The following CD81 variants were observed in gnomAD, a reference collection of about 807,000 sequenced individuals.
CD81 encodes the protein CD81 molecule.
In CD81, 10 loss-of-function variants were observed where a neutral mutation model predicts 30.1. The ratio of observed to expected loss-of-function variants is 0.33; its 90% CI spans 0.21 to 0.56. The LOEUF (loss-of-function observed/expected upper bound fraction) is 0.56, where lower values mean the gene tolerates loss of function less well. CD81 is among the 20% of genes least tolerant of loss of function. The probability of loss-of-function intolerance (pLI) is 0.89; values close to 1 mark genes in which losing one functional copy is unlikely to be tolerated. For synonymous variants in CD81, 147 were observed against 126.4 expected (o/e 1.16, Z -1.10); for missense variants, 263 against 308.7 (o/e 0.85, Z 1.11).
chr11:2,381,427 G>A (rs1032902971), intron 1 of CD81, among the ~76,000 whole-genome samples: 9 of 152,078 alleles, frequency 5.9e-5, no homozygotes, highest in Non-Finnish European at 1.2e-4. Context: ...CCACCCCAGC[G>A]CCCAGTTCAG....
At chr11:2,390,382 A>C in intron 1 of CD81, 30 bp from the exon 2 acceptor site, 2 of 1,556,934 alleles carry the variant, frequency 1.3e-6, no homozygotes, top group Non-Finnish European at 1.8e-6. Context: ...TGCTCTTCGT[A>C]CATGTGACAC....
intron 1 of CD81, among the ~76,000 whole-genome samples, chr11:2,385,104 C>T (rs961792701): frequency 2.0e-5 from 3 of 152,150 alleles, no homozygotes; most frequent in Admixed American, 6.5e-5. Context: ...AAGAAGTTAG[C>T]GCCAAGATGG....
At chr11:2,394,889 C>A (rs1160153807) in intron 3 of CD81, 83 bp from the exon 4 acceptor site, 4 of 1,292,488 alleles carry the variant, frequency 3.1e-6, no homozygotes, top group Non-Finnish European at 3.4e-6. Flanking sequence ...CACAGACACG[C>A]CTGCTGGGCA....
chr11:2,386,482 A>AG (rs908953641), intron 1 of CD81: 12 of 708,666 alleles, frequency 1.7e-5, no homozygotes, highest in South Asian at 3.0e-5. Context: ...AGGTGGCCCT[A>AG]GGGGGGTCCC....
rs1346822289 is a variant in CD81, at chr11:2,394,947, C to T, written c.280-25C>T. ...CCGCCTACAGCCTGCCCTCTTTCCT[C>T]CCTCTGGCCACTGCCCGGCTCCAGT... On this transcript the variant is annotated intron_variant, in intron 3 of 7. Transcript: ENST00000263645. The T allele has an allele frequency of 5.0e-6, 8 of 1,609,056 alleles. No homozygotes were observed. In the African/African-American group the frequency reaches 5.3e-5, roughly 11 times the overall value.
upstream of CD81, among the ~76,000 whole-genome samples, chr11:2,376,606 T>C (rs1248151742): frequency 6.6e-6 from 1 of 152,174 alleles, no homozygotes; most frequent in East Asian, 1.9e-4. Context: ...GTAGACGAAA[T>C]AGATGCAATA....
chr11:2,390,932 G>T, intron 2 of CD81: 1 of 313,036 alleles, frequency 3.2e-6, no homozygotes, highest in South Asian at 2.9e-5. Flanking sequence ...GTGAGGGGTG[G>T]AGACGGGGCA....
chr11:2,379,079 T>C (rs1849653945), intron 1 of CD81: 1 of 444,554 alleles, frequency 2.2e-6, no homozygotes, highest in Admixed American at 2.4e-5. Flanking sequence ...GGGGCTCGCC[T>C]TCCCCAGGCC....
At chr11:2,390,088 T>G in intron 1 of CD81, 1 of 469,148 alleles carries the variant, frequency 2.1e-6, no homozygotes. Flanking sequence ...TGGGACACAC[T>G]TACCCTAAAG....
chr11:2,395,077 G>A lies in CD81; in HGVS notation c.354+31G>A, dbSNP rs980278926. 3.8e-6 allele frequency: 6 copies of A among 1,576,724 alleles called. No individual in the cohort carries two copies. In the Admixed American group the frequency reaches 6.7e-5, roughly 18 times the overall value. Reference sequence around the variant, plus strand: ...CCTGGGTGTGCAGGGACAGGGTGGGGTGGGTGACGGGGGCACCCTCCTCTC... The same window carrying A: ...CCTGGGTGTGCAGGGACAGGGTGGGATGGGTGACGGGGGCACCCTCCTCTC... On this transcript the variant is annotated intron_variant, in intron 4 of 7. Coordinates refer to ENST00000263645, the MANE Select transcript of CD81 (RefSeq NM_004356.4).
intron 3 of CD81, 49 bp from the exon 4 acceptor site, chr11:2,394,923 C>A: frequency 6.4e-7 from 1 of 1,552,254 alleles, no homozygotes; most frequent in Non-Finnish European, 8.9e-7. Flanking sequence ...CCTTGGGCCC[C>A]GCCTACAGCC....
At position 2,396,798 on chromosome 11, in the gene CD81, C is replaced by T. The variant is rs766895305; in HGVS notation, c.649-6C>T. The stretch of plus-strand genomic sequence containing the variant: ...GCTGACTGCGCCCCCCACCACCCTC[C>T]TGCAGATCTTCGAGATGATCCTGAG... On this transcript the variant is annotated splice_region_variant and splice_polypyrimidine_tract_variant and intron_variant, in intron 7 of 7. Transcript: ENST00000263645. 9.3e-6 allele frequency: 15 copies of T among 1,612,744 alleles called. No individual in the cohort carries two copies. The highest frequency in any genetic ancestry group is 1.3e-5 in the Non-Finnish European group (15 of 1,180,006).
intron 1 of CD81, chr11:2,390,057 T>C: frequency 2.5e-6 from 1 of 397,246 alleles, no homozygotes. Flanking sequence ...GATTATTTTT[T>C]TGTATGTCCC....
rs569470090 is a variant in CD81 at position 2,385,727 on chromosome 11, C to T, written c.67-4685C>T. ...TGCACCCGTGCTGTGGTGTGCCCTT[C>T]GTCTGTTCCTTTTATTGCCGGGCAG... On this transcript the variant is annotated intron_variant, in intron 1 of 7. Transcript: ENST00000263645. The T allele has an allele frequency of 2.7e-3, 1,146 of 429,138 alleles. 10 individuals carry two copies. Among genetic ancestry groups the T allele is most frequent in the Non-Finnish European group, 4.0e-3 (857 of 215,804 alleles). The allele number at this position is 429,138 out of a possible 1,614,324, so 26.6% of individuals were successfully genotyped here.
chr11:2,396,948 T>C lies in CD81; in HGVS notation c.*82T>C. 7.7e-7 allele frequency: 1 copy of C among 1,301,562 alleles called. No individual in the cohort carries two copies. Among genetic ancestry groups the C allele is most frequent in the South Asian group, 1.2e-5 (1 of 84,000 alleles). 80.6% of individuals were successfully genotyped at this position (1,301,562 alleles called of 1,614,324 possible). A position where few individuals can be genotyped will look rare whatever the true frequency, so the allele number is the denominator to read the frequency against. ...CTTCCGAGGGGGCCATCACCGCCTGTGTATATAACGTTTCCGGTATTACTC... is the reference window on the plus strand; with the variant it reads ...CTTCCGAGGGGGCCATCACCGCCTGCGTATATAACGTTTCCGGTATTACTC... On this transcript the variant is annotated 3_prime_UTR_variant, in exon 8 of 8. Coordinates refer to ENST00000263645, the MANE Select transcript of CD81 (RefSeq NM_004356.4).
rs1440161092 is a variant in CD81, at chr11:2,397,054, T to C, written c.*188T>C. 3.1e-6 allele frequency: 2 copies of C among 648,912 alleles called. No individual in the cohort carries two copies. Among genetic ancestry groups the C allele is most frequent in the Admixed American group, 4.6e-5 (2 of 43,920 alleles). The allele number at this position is 648,912 out of a possible 1,614,324, so 40.2% of individuals were successfully genotyped here. A position where few individuals can be genotyped will look rare whatever the true frequency, so the allele number is the denominator to read the frequency against. ...TTACCTTTTCAGGGCTGACGTCACA[T>C]GTAGGTGGCGTGTATGAGTGGAGAC... On this transcript the variant is annotated 3_prime_UTR_variant, in exon 8 of 8. Transcript: ENST00000263645.
chr11:2,383,256 C>T (rs983196634), intron 1 of CD81, among the ~76,000 whole-genome samples: 2 of 152,176 alleles, frequency 1.3e-5, no homozygotes, highest in South Asian at 2.1e-4. Flanking sequence ...GAGGCCACAA[C>T]GGGGTCAGAG....
chr11:2,390,330 G>A, intron 1 of CD81, 82 bp from the exon 2 acceptor site: 1 of 1,072,832 alleles, frequency 9.3e-7, no homozygotes, highest in Non-Finnish European at 1.4e-6. Flanking sequence ...GCAGGAGGCT[G>A]CTTAGGCCTT....
Position 2,396,877 on chromosome 11 carries a change from C to T in CD81, c.*11C>T, listed in dbSNP as rs1365568283. On this transcript the variant is annotated 3_prime_UTR_variant, in exon 8 of 8. Transcript: ENST00000263645. ...AGCTCCGTGTACTGAGGCCCCGCAG[C>T]TCTGGCCACAGGGACCTCTGCAGTG... is the stretch of plus-strand genomic sequence containing the variant. 1 of 1,612,154 alleles carries T rather than the reference C, an allele frequency of 6.2e-7. No homozygotes were observed. The highest frequency in any genetic ancestry group is 1.1e-5 in the South Asian group (1 of 91,070).
Sources: gnomAD v4.1 joint callset for allele counts (sites outside exome capture counted in the v4.1 genomes callset) on GRCh38, gnomAD v4.1.1 for gene constraint, MANE v1.5 for transcripts, NCBI Gene and HGNC (gene_info 2026-07-23, HGNC 2026-07-21) for gene names.